ITGA9: variants seen among roughly 807,000 people sequenced by gnomAD.
ITGA9 encodes the protein integrin alpha-9.
Under a neutral mutation model 127.8 loss-of-function variants are expected in ITGA9, and 56 were observed. That is an observed-to-expected ratio of 0.44 (90% CI 0.35 to 0.55). ITGA9 has a LOEUF of 0.55. ITGA9 is among the 20% of genes least tolerant of loss of function. ITGA9 has a pLI of 0.00. For missense variants in ITGA9, 1,196 were observed against 1,347.1 expected, an observed-to-expected ratio of 0.89 and a Z score of 1.76; for synonymous variants, 508 against 514.5, an observed-to-expected ratio of 0.99 and a Z score of 0.17.
intron 15 of ITGA9, among the ~76,000 whole-genome samples, chr3:37,588,712 G>A (rs1407137966): frequency 6.6e-5 from 10 of 152,324 alleles, no homozygotes; most frequent in Admixed American, 5.2e-4. Flanking sequence ...CTTACCCAGG[G>A]TGATACCATT....
chr3:37,612,191 G>A (rs957795535), intron 15 of ITGA9, among the ~76,000 whole-genome samples: 2 of 152,184 alleles, frequency 1.3e-5, no homozygotes, highest in Non-Finnish European at 2.9e-5. Context: ...TAAGACAAAA[G>A]TTCTTAACCA....
At chr3:37,667,409 C>T (rs75880399) in intron 17 of ITGA9, among the ~76,000 whole-genome samples, 3,003 of 152,270 alleles carry the variant, frequency 0.02, 51 homozygotes, top group Non-Finnish European at 0.032. Flanking sequence ...ATGTATAGGG[C>T]TCCAAGTTTT....
intron 15 of ITGA9, among the ~76,000 whole-genome samples, chr3:37,567,506 A>T (rs1699559271): frequency 6.6e-6 from 1 of 152,168 alleles, no homozygotes; most frequent in Non-Finnish European, 1.5e-5. Context: ...GTCTTAACTC[A>T]TTTCAGCATT....
At chr3:37,617,077 G>T (rs1414626418) in intron 15 of ITGA9, among the ~76,000 whole-genome samples, 1 of 152,160 alleles carries the variant, frequency 6.6e-6, no homozygotes, top group Admixed American at 6.5e-5. Context: ...TTACAATTTG[G>T]CATGTTTTTG....
At chr3:37,474,131 C>T (rs1181742675) in intron 3 of ITGA9, among the ~76,000 whole-genome samples, 13 of 152,128 alleles carry the variant, frequency 8.5e-5, no homozygotes, top group Admixed American at 8.5e-4. Context: ...ATCGGACCTC[C>T]AAAGCACCTA....
chr3:37,731,018 G>A (rs1159988983), intron 18 of ITGA9, among the ~76,000 whole-genome samples: 1 of 152,126 alleles, frequency 6.6e-6, no homozygotes, highest in Non-Finnish European at 1.5e-5. Context: ...AGCTTCCTCT[G>A]GCAGCCAGCC....
intron 23 of ITGA9, among the ~76,000 whole-genome samples, chr3:37,759,829 C>T (rs939600873): frequency 2.6e-5 from 4 of 151,434 alleles, no homozygotes; most frequent in African/African-American, 4.9e-5. Flanking sequence ...CGCTTGAACC[C>T]GGGAAGCAGA....
chr3:37,672,153 C>T lies in ITGA9; in HGVS notation c.1917-11712C>T, dbSNP rs957747367. 2.0e-5 allele frequency among the ~76,000 whole-genome samples: 3 copies of T among 152,084 alleles called. No individual in the cohort carries two copies. In the South Asian group the frequency reaches 6.2e-4, roughly 32 times the overall value. On this transcript the variant is annotated intron_variant, in intron 17 of 27. Transcript: ENST00000264741. Reference sequence around the variant, plus strand: ...GGTTGTGTATTTAGAGAAACTAGGGCAGGACTGCTGGAGAAGAAGCTGAGT... The same window carrying T: ...GGTTGTGTATTTAGAGAAACTAGGGTAGGACTGCTGGAGAAGAAGCTGAGT...
intron 25 of ITGA9, among the ~76,000 whole-genome samples, chr3:37,781,005 G>C (rs1318599829): frequency 6.6e-6 from 1 of 152,226 alleles, no homozygotes; most frequent in African/African-American, 2.4e-5. Flanking sequence ...CATCACCTGA[G>C]AGTTTCTTAG....
intron 17 of ITGA9, among the ~76,000 whole-genome samples, chr3:37,675,099 G>A (rs573002103): frequency 1.3e-5 from 2 of 152,302 alleles, no homozygotes; most frequent in East Asian, 3.9e-4. Context: ...TATGTGCTAT[G>A]CTGGTATGCA....
At chr3:37,764,314 A>G (rs1696753746) in intron 23 of ITGA9, among the ~76,000 whole-genome samples, 1 of 152,034 alleles carries the variant, frequency 6.6e-6, no homozygotes, top group African/African-American at 2.4e-5. Flanking sequence ...GTGCCTCTTC[A>G]TCCAACCCCT....
At chr3:37,657,969 G>A (rs1261677611) in intron 17 of ITGA9, among the ~76,000 whole-genome samples, 1 of 152,098 alleles carries the variant, frequency 6.6e-6, no homozygotes, top group African/African-American at 2.4e-5. Context: ...TCATTCAGGA[G>A]GCCATTGTTC....
chr3:37,803,811 G>T lies in ITGA9; in HGVS notation c.2890-12G>T. ...AAAAAGGAAATGTTTTCACTGTTGC[G>T]TTGCCTCCTAGGTGGTCTTCGAGGC... On this transcript the variant is annotated splice_polypyrimidine_tract_variant and intron_variant, in intron 26 of 27. Coordinates refer to ENST00000264741, the MANE Select transcript of ITGA9 (RefSeq NM_002207.3). The T allele has an allele frequency of 6.2e-7, 1 of 1,613,938 alleles. No homozygotes were observed. Among genetic ancestry groups the T allele is most frequent in the Non-Finnish European group, 8.5e-7 (1 of 1,179,910 alleles).
At chr3:37,606,706 A>G (rs946647011) in intron 15 of ITGA9, among the ~76,000 whole-genome samples, 7 of 152,056 alleles carry the variant, frequency 4.6e-5, no homozygotes, top group African/African-American at 1.7e-4. Context: ...GGTGATGTTG[A>G]ATGGGGGTCA....
At chr3:37,729,819 G>A (rs866553453) in intron 18 of ITGA9, among the ~76,000 whole-genome samples, 5 of 147,868 alleles carry the variant, frequency 3.4e-5, no homozygotes, top group African/African-American at 1.2e-4. Context: ...TTCTCCTGCC[G>A]CAGCCTTCTG....
Position 37,771,819 on chromosome 3 carries a change from A to G in ITGA9, c.2542-5573A>G, listed in dbSNP as rs111602476. 7.3e-3 allele frequency among the ~76,000 whole-genome samples: 1,113 copies of G among 151,626 alleles called. 15 individuals are homozygous for G. The highest frequency in any genetic ancestry group is 0.025 in the African/African-American group (1,018 of 41,340). On this transcript the variant is annotated intron_variant, in intron 23 of 27. Transcript: ENST00000264741. ...TAGGCAGGAGTCATTTTTTTTTGCT[A>G]CAGTGGTGGAAATGGGTCAGGCTGG...
chr3:37,694,459 C>T (rs1187336258), intron 18 of ITGA9, among the ~76,000 whole-genome samples: 3 of 152,208 alleles, frequency 2.0e-5, no homozygotes, highest in African/African-American at 4.8e-5. Flanking sequence ...GGTGGAGAAA[C>T]GCAGATGTCC....
At chr3:37,530,369 G>GAT (rs752258255) in intron 13 of ITGA9, among the ~76,000 whole-genome samples, 8 of 152,200 alleles carry the variant, frequency 5.3e-5, no homozygotes, top group Non-Finnish European at 1.2e-4. Context: ...AGCACACATA[G>GAT]ATATATATTG....
At chr3:37,564,695 TC>T (rs1699528094) in intron 15 of ITGA9, among the ~76,000 whole-genome samples, 1 of 152,194 alleles carries the variant, frequency 6.6e-6, no homozygotes, top group South Asian at 2.1e-4. Flanking sequence ...CCCCTTTAAT[TC>T]AACAGGCACC....
Sources: gnomAD v4.1 joint callset for allele counts (sites outside exome capture counted in the v4.1 genomes callset) on GRCh38, gnomAD v4.1.1 for gene constraint, MANE v1.5 for transcripts, NCBI Gene and HGNC (gene_info 2026-07-23, HGNC 2026-07-21) for gene names.